RARB: variants seen among roughly 807,000 people sequenced by gnomAD.
RARB encodes retinoic acid receptor beta, also known as HBV-activated protein.
Under a neutral mutation model 51.9 loss-of-function variants are expected in RARB, and 17 were observed. The observed-to-expected ratio is 0.33, with a 90% CI of 0.22 to 0.49. The LOEUF (loss-of-function observed/expected upper bound fraction) is 0.49. Ranked by LOEUF, RARB falls within the 20% of genes least tolerant of loss-of-function variation. The pLI, the probability that RARB is intolerant of heterozygous loss-of-function variation, is 0.99. For synonymous variants in RARB, 215 were observed against 195.4 expected (o/e 1.10, Z -0.84); for missense variants, 369 against 550.8 (o/e 0.67, Z 3.30).
At chr3:25,578,752 C>T (rs1203264555) in intron 4 of RARB, among the ~76,000 whole-genome samples, 1 of 152,254 alleles carries the variant, frequency 6.6e-6, no homozygotes, top group Admixed American at 6.5e-5. Context: ...TTCGTTTTTA[C>T]AGTGTCTGTG....
rs1472648464 is a variant in RARB, at chr3:25,197,451, C to A, written c.178+22876C>A. ...TATCTGTTTTGGTAACAGTACCATG[C>A]AATAAGACAGTAGAAAGAAAGGCAT... On this transcript the variant is annotated intron_variant, in intron 5 of 11. Transcript: ENST00000383772. Among the ~76,000 whole-genome samples the A allele has an allele frequency of 2.0e-5, 3 of 151,866 alleles. No individual in the cohort carries two copies. In the East Asian group the frequency reaches 5.8e-4, roughly 29 times the overall value.
At chr3:25,427,897 C>A (rs1268515009), upstream of RARB, among the ~76,000 whole-genome samples, 1 of 152,028 alleles carries the variant, frequency 6.6e-6, no homozygotes, top group African/African-American at 2.4e-5. Flanking sequence ...GGGCGGGAGG[C>A]GAGCGGGCGC....
intron 5 of RARB, among the ~76,000 whole-genome samples, chr3:25,316,069 G>A (rs1344897572): frequency 6.6e-6 from 1 of 152,154 alleles, no homozygotes; most frequent in Non-Finnish European, 1.5e-5. Context: ...AATATGCTCA[G>A]AAATATTTTT....
intron 2 of RARB, among the ~76,000 whole-genome samples, chr3:25,015,058 C>T (rs1362137742): frequency 2.6e-5 from 4 of 152,086 alleles, no homozygotes; most frequent in Non-Finnish European, 5.9e-5. Flanking sequence ...AGGACTTTTC[C>T]ACATTTTGCG....
At chr3:25,559,859 T>G (rs1353700988) in intron 3 of RARB, among the ~76,000 whole-genome samples, 1 of 151,974 alleles carries the variant, frequency 6.6e-6, no homozygotes. Flanking sequence ...CATTGGATAG[T>G]TGGAAGGATG....
At chr3:25,110,091 TTC>T (rs1192167883) in intron 3 of RARB, among the ~76,000 whole-genome samples, 7 of 152,178 alleles carry the variant, frequency 4.6e-5, no homozygotes, top group African/African-American at 1.7e-4. Flanking sequence ...CCAGTGTGGT[TTC>T]TCTCTCCTGA....
At chr3:25,310,493 A>C (rs891380662) in intron 5 of RARB, among the ~76,000 whole-genome samples, 1 of 152,218 alleles carries the variant, frequency 6.6e-6, no homozygotes, top group African/African-American at 2.4e-5. Flanking sequence ...TGGACATTTC[A>C]TGTAGTAACC....
intron 2 of RARB, among the ~76,000 whole-genome samples, chr3:24,949,306 A>C (rs552887353): frequency 1.6e-4 from 24 of 152,356 alleles, no homozygotes; most frequent in African/African-American, 5.8e-4. Context: ...GAGCTGATGT[A>C]GACATCCCAA....
intron 4 of RARB, among the ~76,000 whole-genome samples, chr3:25,156,419 ATG>A (rs1190187588): frequency 6.7e-6 from 1 of 149,778 alleles, no homozygotes; most frequent in African/African-American, 2.5e-5. Context: ...TGTCATGGAA[ATG>A]TGGCCATTCA....
At chr3:25,402,462 CAAAAG>C (rs1329897547) in intron 5 of RARB, among the ~76,000 whole-genome samples, 8 of 152,116 alleles carry the variant, frequency 5.3e-5, no homozygotes, top group African/African-American at 1.4e-4. Flanking sequence ...GGTATATACT[CAAAAG>C]AAAGGAAATC....
At chr3:25,057,560 A>G (rs1698464536) in intron 2 of RARB, among the ~76,000 whole-genome samples, 2 of 152,014 alleles carry the variant, frequency 1.3e-5, no homozygotes, top group African/African-American at 4.8e-5. Flanking sequence ...GTAACTTTGA[A>G]TCCAATTTTT....
chr3:25,298,770 T>C (rs988374359), intron 5 of RARB, among the ~76,000 whole-genome samples: 9 of 152,104 alleles, frequency 5.9e-5, no homozygotes, highest in African/African-American at 2.2e-4. Context: ...TCTAAAGGGA[T>C]TTCTAATAAC....
rs1212811588 is a variant in RARB, at chr3:25,317,234, T to A, written c.178+142659T>A. On this transcript the variant is annotated intron_variant, in intron 5 of 11. Transcript: ENST00000383772. ...CAGGGAAGGCATTAAATAAGTAGGA[T>A]AGTCACTAAATGGATCATTGGCTGA... Among the ~76,000 whole-genome samples the A allele has an allele frequency of 3.9e-5, 6 of 152,148 alleles. No individual in the cohort carries two copies. In the East Asian group the frequency reaches 1.2e-3, roughly 29 times the overall value.
chr3:25,008,064 G>T (rs1697313743), intron 2 of RARB, among the ~76,000 whole-genome samples: 1 of 152,080 alleles, frequency 6.6e-6, no homozygotes, highest in Admixed American at 6.6e-5. Flanking sequence ...TTCTAATGTT[G>T]AATCTTGAAG....
chr3:25,587,960 TTATTCATTCAATAAA>T lies in RARB; in HGVS notation c.787-5534_787-5520del, dbSNP rs1423319079. ...AGAGAGTCTGATGAAGGAATTCAGT[TTATTCATTCAATAAA>T]TATTCATTAACCACCTGCTGTATGG... On this transcript the variant is annotated intron_variant, in intron 5 of 7. Coordinates refer to ENST00000330688, the MANE Select transcript of RARB (RefSeq NM_000965.5). Among the ~76,000 whole-genome samples the T allele has an allele frequency of 3.3e-5, 5 of 152,198 alleles. No homozygotes were observed. The East Asian group carries it at 7.7e-4, about 24-fold the overall frequency.
intron 4 of RARB, among the ~76,000 whole-genome samples, chr3:25,143,756 G>A (rs1160368116): frequency 6.6e-6 from 1 of 152,166 alleles, no homozygotes; most frequent in African/African-American, 2.4e-5. Flanking sequence ...ATGCTGCCCT[G>A]GCCCTTGGAG....
intron 5 of RARB, among the ~76,000 whole-genome samples, chr3:25,374,491 C>A (rs1483418855): frequency 6.6e-6 from 1 of 152,038 alleles, no homozygotes; most frequent in African/African-American, 2.4e-5. Context: ...GGAACAGTTA[C>A]CAAATCATGG....
chr3:24,963,784 C>T (rs1696194908), intron 2 of RARB, among the ~76,000 whole-genome samples: 1 of 151,986 alleles, frequency 6.6e-6, no homozygotes, highest in African/African-American at 2.4e-5. Flanking sequence ...CAATTAGGAA[C>T]CTAGAATAAG....
chr3:25,536,435 A>G (rs533321328), intron 3 of RARB, among the ~76,000 whole-genome samples: 7 of 152,348 alleles, frequency 4.6e-5, no homozygotes, highest in Non-Finnish European at 1.0e-4. Context: ...GATTATGCCA[A>G]TTCATTACAA....
Sources: gnomAD v4.1 joint callset for allele counts (sites outside exome capture counted in the v4.1 genomes callset) on GRCh38, gnomAD v4.1.1 for gene constraint, MANE v1.5 for transcripts, NCBI Gene and HGNC (gene_info 2026-07-23, HGNC 2026-07-21) for gene names.